The following RBFOX1 variants were observed in gnomAD, a reference collection of about 807,000 sequenced individuals.
The protein encoded by RBFOX1 is RNA binding protein fox-1 homolog 1.
In RBFOX1, 8 loss-of-function variants were observed where a neutral mutation model predicts 57.7. The observed-to-expected ratio is 0.14, with a 90% CI of 0.08 to 0.25. The LOEUF (loss-of-function observed/expected upper bound fraction) is 0.25, where lower values mean the gene tolerates loss of function less well. Among genes scored for constraint, RBFOX1 ranks in the 10% least tolerant of loss-of-function variants. RBFOX1 has a pLI of 1.00. For missense variants in RBFOX1, 611 were observed against 548.5 expected (o/e 1.11, Z -1.14); for synonymous variants, 326 against 222.4 (o/e 1.47, Z -4.15).
intron 3 of RBFOX1, among the ~76,000 whole-genome samples, chr16:7,044,986 G>C (rs181990478): frequency 3.9e-5 from 6 of 152,178 alleles, no homozygotes; most frequent in Non-Finnish European, 7.3e-5. Flanking sequence ...TGTTTGATGA[G>C]CAAGGTTGCA....
At chr16:5,274,534 T>G (rs918951216) in intron 1 of RBFOX1, among the ~76,000 whole-genome samples, 1 of 152,010 alleles carries the variant, frequency 6.6e-6, no homozygotes, top group Non-Finnish European at 1.5e-5. Flanking sequence ...GTCTTAAAAC[T>G]AAACAAAACA....
At position 6,345,953 on chromosome 16, in the gene RBFOX1, A is replaced by G. The variant is rs574057123; in HGVS notation, c.-64+28896A>G. Among the ~76,000 whole-genome samples, 8 of 152,270 alleles carry G rather than the reference A, an allele frequency of 5.3e-5. No individual in the cohort carries two copies. In the East Asian group the frequency reaches 9.7e-4, roughly 18 times the overall value. ...GACAACTCGAAACAAAGGCAGGAAG[A>G]CTCAAAGCGGGGAGGGGGATTCCAG... On this transcript the variant is annotated intron_variant, in intron 2 of 15. Coordinates refer to ENST00000550418, the MANE Select transcript of RBFOX1 (RefSeq NM_018723.4).
chr16:5,919,150 T>A (rs373772208), intron 4 of RBFOX1, among the ~76,000 whole-genome samples: 1 of 152,086 alleles, frequency 6.6e-6, no homozygotes, highest in East Asian at 1.9e-4. Context: ...TATCCTGATA[T>A]GTAGAAAAAA....
At chr16:6,278,498 A>G (rs147297609) in intron 1 of RBFOX1, among the ~76,000 whole-genome samples, 1 of 148,482 alleles carries the variant, frequency 6.7e-6, no homozygotes, top group Non-Finnish European at 1.5e-5. Context: ...ATTGCTCTTT[A>G]GTTTCAGAAT....
intron 4 of RBFOX1, among the ~76,000 whole-genome samples, chr16:5,976,434 C>G (rs1038971463): frequency 6.6e-6 from 1 of 152,176 alleles, no homozygotes; most frequent in East Asian, 1.9e-4. Flanking sequence ...CTTAGAACCC[C>G]TTTTGTTTTA....
chr16:5,787,741 A>C (rs2054553949), intron 3 of RBFOX1, among the ~76,000 whole-genome samples: 1 of 152,228 alleles, frequency 6.6e-6, no homozygotes, highest in Admixed American at 6.5e-5. Flanking sequence ...AAGGGGGTCA[A>C]GAAGTAATGA....
intron 3 of RBFOX1, among the ~76,000 whole-genome samples, chr16:6,761,588 A>G (rs2076611802): frequency 7.8e-6 from 1 of 128,758 alleles, no homozygotes; most frequent in Non-Finnish European, 1.5e-5. Context: ...GTTCACTGTA[A>G]CCTCTGCCTC....
chr16:5,668,862 A>G (rs927152580), intron 3 of RBFOX1, among the ~76,000 whole-genome samples: 1 of 152,140 alleles, frequency 6.6e-6, no homozygotes, highest in African/African-American at 2.4e-5. Flanking sequence ...TGACTCCTTC[A>G]GCATTAGATT....
chr16:7,194,966 G>A (rs2086328918), intron 4 of RBFOX1, among the ~76,000 whole-genome samples: 1 of 150,014 alleles, frequency 6.7e-6, no homozygotes, highest in Non-Finnish European at 1.5e-5. Context: ...AAAGACAGCT[G>A]AATAACACCT....
At chr16:5,688,205 C>G (rs1045575963) in intron 3 of RBFOX1, among the ~76,000 whole-genome samples, 3 of 152,208 alleles carry the variant, frequency 2.0e-5, no homozygotes, top group African/African-American at 7.2e-5. Context: ...ACACCTGAGT[C>G]ACTTTGCTGC....
chr16:6,746,918 T>C (rs1054507926), intron 3 of RBFOX1, among the ~76,000 whole-genome samples: 2 of 152,144 alleles, frequency 1.3e-5, no homozygotes, highest in Non-Finnish European at 1.5e-5. Context: ...CTCAGTATTT[T>C]GGGAGACTTC....
chr16:5,693,909 T>C (rs889949847), intron 3 of RBFOX1, among the ~76,000 whole-genome samples: 1 of 152,158 alleles, frequency 6.6e-6, no homozygotes, highest in South Asian at 2.1e-4. Flanking sequence ...GGCTGCCTCA[T>C]TCCCCCACCT....
intron 4 of RBFOX1, among the ~76,000 whole-genome samples, chr16:7,326,750 C>G (rs547937972): frequency 2.0e-5 from 3 of 152,016 alleles, no homozygotes; most frequent in Non-Finnish European, 4.4e-5. Context: ...CCCAGATCCC[C>G]CAGATCCAAA....
chr16:6,180,212 G>A (rs1851285253), intron 1 of RBFOX1, among the ~76,000 whole-genome samples: 1 of 151,966 alleles, frequency 6.6e-6, no homozygotes, highest in Admixed American at 6.6e-5. Context: ...ATTCTTCTTT[G>A]AAATTTTGGT....
chr16:5,556,634 G>T (rs2045687808), intron 2 of RBFOX1, among the ~76,000 whole-genome samples: 1 of 152,234 alleles, frequency 6.6e-6, no homozygotes. Flanking sequence ...TCCCTCTTGG[G>T]AGAACCAGCG....
chr16:6,873,723 T>C (rs1183033599), intron 3 of RBFOX1, among the ~76,000 whole-genome samples: 1 of 152,210 alleles, frequency 6.6e-6, no homozygotes, highest in Admixed American at 6.5e-5. Context: ...CATCCTCTCA[T>C]TGTCGTCATC....
chr16:6,141,391 T>C (rs2096714823), intron 1 of RBFOX1, among the ~76,000 whole-genome samples: 1 of 152,170 alleles, frequency 6.6e-6, no homozygotes, highest in Non-Finnish European at 1.5e-5. Flanking sequence ...TAGATTGTCT[T>C]TGATTTCTGC....
At chr16:5,550,809 A>G (rs2045431880) in intron 2 of RBFOX1, among the ~76,000 whole-genome samples, 1 of 152,236 alleles carries the variant, frequency 6.6e-6, no homozygotes, top group South Asian at 2.1e-4. Flanking sequence ...TCATTTCAAA[A>G]AAGAATTGTC....
At chr16:5,922,035 C>G (rs1386023103) in intron 4 of RBFOX1, among the ~76,000 whole-genome samples, 1 of 152,064 alleles carries the variant, frequency 6.6e-6, no homozygotes, top group Non-Finnish European at 1.5e-5. Context: ...GTGATGTACT[C>G]TTGTGGTCTC....
Sources: allele counts gnomAD v4.1 joint callset (sites outside exome capture counted in the v4.1 genomes callset), GRCh38; gene constraint gnomAD v4.1.1; transcripts MANE v1.5; gene names NCBI Gene and HGNC (gene_info 2026-07-23, HGNC 2026-07-21).